ARHGEF9: variants seen among roughly 807,000 people sequenced by gnomAD.
The protein encoded by ARHGEF9 is Cdc42 guanine nucleotide exchange factor 9, also known as rho guanine nucleotide exchange factor 9.
Under a neutral mutation model 41.3 loss-of-function variants are expected in ARHGEF9, and 2 were observed. That is an observed-to-expected ratio of 0.05 (90% CI 0.02 to 0.15). The LOEUF (loss-of-function observed/expected upper bound fraction) is 0.15. Among genes scored for constraint, ARHGEF9 ranks in the 10% least tolerant of loss-of-function variants. The pLI, the probability that ARHGEF9 is intolerant of heterozygous loss-of-function variation, is 1.00. For missense variants in ARHGEF9, 225 were observed against 424.7 expected, an observed-to-expected ratio of 0.53 and a Z score of 4.13; for synonymous variants, 160 against 154.4, an observed-to-expected ratio of 1.04 and a Z score of -0.27.
intron 1 of ARHGEF9, among the ~76,000 whole-genome samples, chrX:63,781,782 A>G (rs1264528823): frequency 8.9e-6 from 1 of 112,099 alleles, no homozygotes; most frequent in East Asian, 2.8e-4. Context: ...ATAATGCCCT[A>G]TAAAAGTGGC....
intron 8 of ARHGEF9, among the ~76,000 whole-genome samples, chrX:63,652,057 A>G: frequency 8.9e-6 from 1 of 111,927 alleles, no homozygotes; most frequent in South Asian, 3.7e-4. Context: ...ATCTTTCAGA[A>G]TTTAATATGC....
At chrX:63,647,285 C>T (rs1204454290) in intron 8 of ARHGEF9, among the ~76,000 whole-genome samples, 2 of 111,823 alleles carry the variant, frequency 1.8e-5, no homozygotes, top group Admixed American at 9.5e-5. Flanking sequence ...GGAATGGTGA[C>T]AGAGGGCATC....
intron 1 of ARHGEF9, among the ~76,000 whole-genome samples, chrX:63,749,802 C>G (rs2055505798): frequency 8.9e-6 from 1 of 112,332 alleles, no homozygotes; most frequent in Non-Finnish European, 1.9e-5. Context: ...GCTTCCTGAG[C>G]CTTCTCTCCC....
intron 1 of ARHGEF9, among the ~76,000 whole-genome samples, chrX:63,767,938 G>A (rs1211355216): frequency 8.9e-6 from 1 of 111,806 alleles, no homozygotes; most frequent in Admixed American, 9.5e-5. Flanking sequence ...TTTAAAGTAG[G>A]GAGAGTGTTG....
At chrX:63,711,620 T>G (rs1330849732) in intron 2 of ARHGEF9, among the ~76,000 whole-genome samples, 1 of 112,286 alleles carries the variant, frequency 8.9e-6, no homozygotes, top group East Asian at 2.8e-4. Flanking sequence ...GAATGAACTT[T>G]GGCTCCTACT....
intron 8 of ARHGEF9, among the ~76,000 whole-genome samples, chrX:63,645,003 G>C (rs2047912172): frequency 9.2e-6 from 1 of 109,189 alleles, no homozygotes; most frequent in Non-Finnish European, 1.9e-5. Flanking sequence ...TTGAATTCCT[G>C]GGCTCAAACG....
At chrX:63,708,832 G>A (rs1395240680) in intron 2 of ARHGEF9, among the ~76,000 whole-genome samples, 1 of 112,375 alleles carries the variant, frequency 8.9e-6, no homozygotes, top group African/African-American at 3.2e-5. Flanking sequence ...TTATAGAGCT[G>A]ACATTTGAGG....
rs141901566 is a variant in ARHGEF9, at chrX:63,773,117, A to G, written c.30+11999T>C. 4.3e-3 allele frequency among the ~76,000 whole-genome samples: 478 copies of G among 112,143 alleles called. 3 individuals carry two copies. Among genetic ancestry groups the G allele is most frequent in the African/African-American group, 0.014 (431 of 30,845 alleles). The stretch of plus-strand genomic sequence containing the variant: ...CACTGTCTAGTTTCCATCATCTAGC[A>G]GCTTAACCACTTACAGAACTAACCA... On this transcript the variant is annotated intron_variant, in intron 1 of 9. Transcript: ENST00000671741.
intron 5 of ARHGEF9, among the ~76,000 whole-genome samples, chrX:63,678,019 A>G (rs1432618788): frequency 2.7e-5 from 3 of 111,565 alleles, no homozygotes; most frequent in Non-Finnish European, 5.6e-5. Context: ...TTTGGTTTAC[A>G]TCTTTGGGTT....
intron 8 of ARHGEF9, among the ~76,000 whole-genome samples, chrX:63,649,137 A>G (rs1183446085): frequency 3.6e-5 from 4 of 111,788 alleles, no homozygotes; most frequent in Admixed American, 2.8e-4. Flanking sequence ...CCCCAAATCA[A>G]CAGAATATAC....
At chrX:63,710,422 T>G (rs1251034599) in intron 2 of ARHGEF9, among the ~76,000 whole-genome samples, 8 of 104,355 alleles carry the variant, frequency 7.7e-5, no homozygotes, top group African/African-American at 2.8e-4. Context: ...AATATAGAAA[T>G]CCTCAATAAA....
chrX:63,771,002 A>C (rs1556454474), intron 1 of ARHGEF9, among the ~76,000 whole-genome samples: 32 of 112,541 alleles, frequency 2.8e-4, no homozygotes, highest in Non-Finnish European at 1.9e-4. Flanking sequence ...GCAGTATATA[A>C]GTGTTCCCTT....
At chrX:63,705,560 GGTTAGGGAATGTA>G (rs1285648544) in intron 3 of ARHGEF9, among the ~76,000 whole-genome samples, 2 of 110,811 alleles carry the variant, frequency 1.8e-5, no homozygotes, top group East Asian at 5.7e-4. Flanking sequence ...GAAGGAATGG[GGTTAGGGAATGTA>G]GAGAGACAGC....
rs149923657 is a variant in ARHGEF9, at chrX:63,771,936, T to C, written c.30+13180A>G. On this transcript the variant is annotated intron_variant, in intron 1 of 9. Coordinates refer to ENST00000671741, the MANE Select transcript of ARHGEF9 (RefSeq NM_001353921.2). ...AGGAATTCTGACAGCAGACTGCCTT[T>C]GGACTCTGACTGCAACTCTTCCCTG... Among the ~76,000 whole-genome samples, 219 of 111,744 alleles carry C rather than the reference T, an allele frequency of 2.0e-3. 1 individual carries two copies. The East Asian group carries it at 0.028, about 14-fold the overall frequency.
rs2053394312 is a variant in ARHGEF9 at position 63,717,648 on chromosome X, G to A, written c.210+6884C>T. On this transcript the variant is annotated intron_variant, in intron 2 of 9. Coordinates refer to ENST00000671741, the MANE Select transcript of ARHGEF9 (RefSeq NM_001353921.2). ...CCAAGAGGGTTTGAGAGAGGAGCAG[G>A]GAAAAATGAGGACATTATTTCTACC... is the stretch of plus-strand genomic sequence containing the variant. Among the ~76,000 whole-genome samples, 3 of 111,673 alleles carry A rather than the reference G, an allele frequency of 2.7e-5. No individual in the cohort carries two copies. The Admixed American group carries it at 2.8e-4, about 11-fold the overall frequency.
chrX:63,697,077 G>A, intron 4 of ARHGEF9, 48 bp downstream of exon 4: 1 of 1,175,839 alleles, frequency 8.5e-7, no homozygotes, highest in Non-Finnish European at 1.1e-6. Flanking sequence ...TCCTTCCATT[G>A]TTTCCTAACA....
At chrX:63,684,678 T>C (rs1372631786) in intron 4 of ARHGEF9, among the ~76,000 whole-genome samples, 5 of 110,628 alleles carry the variant, frequency 4.5e-5, no homozygotes, top group African/African-American at 1.6e-4. Context: ...TGTATATGTA[T>C]ATGTAATATG....
Position 63,636,958 on chromosome X carries a change from T to G in ARHGEF9, c.*1070A>C, listed in dbSNP as rs1342252785. ...GGGACAACCAGGACACTGAACTGAT[T>G]GCTGTAGAGATCACTGCCCTAAACC... is the stretch of plus-strand genomic sequence containing the variant. On this transcript the variant is annotated 3_prime_UTR_variant, in exon 10 of 10. Transcript: ENST00000671741. The G allele has an allele frequency of 3.4e-6, 1 of 295,361 alleles. No individual in the cohort carries two copies. The highest frequency in any genetic ancestry group is 2.8e-5 in the African/African-American group (1 of 36,228). 24.3% of individuals were successfully genotyped at this position (295,361 alleles called of 1,213,427 possible). A position where few individuals can be genotyped will look rare whatever the true frequency, so the allele number is the denominator to read the frequency against.
intron 4 of ARHGEF9, among the ~76,000 whole-genome samples, chrX:63,681,974 A>C (rs1326312618): frequency 9.1e-6 from 1 of 110,219 alleles, no homozygotes; most frequent in African/African-American, 3.3e-5. Context: ...CCAAGATTGA[A>C]TCAAGAAGAA....
Sources: gnomAD v4.1 joint callset for allele counts (sites outside exome capture counted in the v4.1 genomes callset) on GRCh38, gnomAD v4.1.1 for gene constraint, MANE v1.5 for transcripts, NCBI Gene and HGNC (gene_info 2026-07-23, HGNC 2026-07-21) for gene names.